The following PDXDC1 variants were observed in gnomAD, a reference collection of about 807,000 sequenced individuals.
PDXDC1 encodes pyridoxal-dependent decarboxylase domain-containing protein 1.
A neutral mutation model predicts 100.1 loss-of-function variants in PDXDC1; 42 were observed. The observed-to-expected ratio is 0.42, with a 90% CI of 0.33 to 0.54. The LOEUF (loss-of-function observed/expected upper bound fraction) is 0.54. PDXDC1 is among the 20% of genes least tolerant of loss of function. The pLI, the probability that PDXDC1 is intolerant of heterozygous loss-of-function variation, is 0.10. For missense variants in PDXDC1, 636 were observed against 979.2 expected (o/e 0.65, Z 4.68); for synonymous variants, 260 against 371.7 (o/e 0.70, Z 3.46).
intron 16 of PDXDC1, chr16:15,131,199 A>G (rs78113842): frequency 0.06 from 87,953 of 1,463,742 alleles, 5,909 homozygotes; most frequent in East Asian, 0.17. Flanking sequence ...CGGAGTTGGC[A>G]GAGCTGCGGT....
intron 16 of PDXDC1, among the ~76,000 whole-genome samples, chr16:15,096,283 A>G (rs2046354796): frequency 1.3e-5 from 2 of 151,720 alleles, no homozygotes; most frequent in African/African-American, 4.8e-5. Flanking sequence ...TAATTTTTGT[A>G]TTTTTAGTAG....
At chr16:15,063,224 A>G (rs761133626) in intron 16 of PDXDC1, 1 of 1,613,016 alleles carries the variant, frequency 6.2e-7, no homozygotes, top group Non-Finnish European at 8.5e-7. Flanking sequence ...GAACTCCTGT[A>G]GCTCTTCAGC....
chr16:15,111,589 C>G (rs2047067857), intron 16 of PDXDC1, among the ~76,000 whole-genome samples: 1 of 147,094 alleles, frequency 6.8e-6, no homozygotes, highest in South Asian at 2.2e-4. Context: ...GAAACCCCGT[C>G]TCTACTAAAA....
At chr16:15,012,561 G>A (rs1258220891) in intron 8 of PDXDC1, among the ~76,000 whole-genome samples, 1 of 152,288 alleles carries the variant, frequency 6.6e-6, no homozygotes, top group East Asian at 1.9e-4. Context: ...CTGTTAGAAT[G>A]GAGAAATTAC....
upstream of PDXDC1, chr16:14,974,972 A>C: frequency 6.5e-7 from 1 of 1,535,140 alleles, no homozygotes; most frequent in Non-Finnish European, 8.7e-7. Flanking sequence ...CGTGGCGCCC[A>C]GGTACGGAAT....
At position 15,100,238 on chromosome 16, in the gene PDXDC1, G is replaced by A. The variant is rs535964844; in HGVS notation, c.1400-38641G>A. Among the ~76,000 whole-genome samples the A allele has an allele frequency of 5.3e-5, 8 of 152,272 alleles. No homozygotes were observed. The South Asian group carries it at 1.7e-3, about 32-fold the overall frequency. Reference sequence around the variant, plus strand: ...TTCTAAATAACAAAACCAATAGCATGTATCTCATTTGTCCTTTTTCCTTTC... The same window carrying A: ...TTCTAAATAACAAAACCAATAGCATATATCTCATTTGTCCTTTTTCCTTTC... On this transcript the variant is annotated intron_variant, in intron 16 of 16. Transcript: ENST00000535621.
intron 16 of PDXDC1, among the ~76,000 whole-genome samples, chr16:15,128,905 A>C (rs1267922728): frequency 4.1e-5 from 6 of 147,152 alleles, no homozygotes; most frequent in Non-Finnish European, 7.5e-5. Context: ...TCCCGGGTTC[A>C]CGCCATTCTC....
intron 1 of PDXDC1, 133 bp from the exon 2 acceptor site, chr16:14,997,620 A>G (rs1462401175): frequency 1.6e-5 from 16 of 1,024,958 alleles, no homozygotes; most frequent in African/African-American, 1.2e-4. Context: ...CTTTTGTACT[A>G]TTGCAAGTTT....
intron 16 of PDXDC1, chr16:15,136,166 G>A (rs1163658538): frequency 3.9e-6 from 4 of 1,029,118 alleles, no homozygotes; most frequent in East Asian, 2.5e-5. Context: ...GGGGCTCAGG[G>A]CACTCCTCCA....
At chr16:15,061,867 G>C in intron 16 of PDXDC1, 1 of 1,613,410 alleles carries the variant, frequency 6.2e-7, no homozygotes, top group Non-Finnish European at 8.5e-7. Context: ...GGGGCACTTC[G>C]CCTTTCAGAA....
the PDXDC1 span, among the ~76,000 whole-genome samples, chr16:15,147,254 C>T: frequency 1.3e-5 from 2 of 152,126 alleles, no homozygotes; most frequent in Non-Finnish European, 2.9e-5. Context: ...CATCCCAGCC[C>T]GACTCGGAAG....
At chr16:15,013,125 G>A (rs1341041612) in intron 8 of PDXDC1, among the ~76,000 whole-genome samples, 15 of 152,216 alleles carry the variant, frequency 9.9e-5, no homozygotes, top group African/African-American at 1.9e-4. Context: ...AGGTGAGATC[G>A]CACCACTGCA....
At chr16:15,093,305 A>C (rs2046215208) in intron 16 of PDXDC1, among the ~76,000 whole-genome samples, 1 of 152,168 alleles carries the variant, frequency 6.6e-6, no homozygotes, top group Non-Finnish European at 1.5e-5. Flanking sequence ...CGCCCGGCCT[A>C]GATTTTTGTC....
In PDXDC1 at chr16:15,126,188, C is replaced by T. The variant is rs1349071864; in HGVS notation, c.1400-12691C>T. On this transcript the variant is annotated intron_variant, in intron 16 of 16. Transcript: ENST00000535621. ...TAGCTGGGATTACAGGTGCCTGCCA[C>T]GATGCCCAGCTGATTTTTTGTATTT... Among the ~76,000 whole-genome samples, 14 of 151,664 alleles carry T rather than the reference C, an allele frequency of 9.2e-5. No individual in the cohort carries two copies. In the East Asian group the frequency reaches 1.4e-3, roughly 15 times the overall value.
chr16:15,151,918 T>C, the PDXDC1 span, among the ~76,000 whole-genome samples: 1 of 73,116 alleles, frequency 1.4e-5, no homozygotes, highest in African/African-American at 4.6e-5. Flanking sequence ...GCAACAAGAG[T>C]GAACTCTGTC....
chr16:15,098,344 G>A (rs1468684087), intron 16 of PDXDC1, among the ~76,000 whole-genome samples: 2 of 151,114 alleles, frequency 1.3e-5, no homozygotes, highest in African/African-American at 4.9e-5. Flanking sequence ...GGGACTACAT[G>A]TGCCCGCCAC....
chr16:15,044,426 G>A (rs755891128), intron 16 of PDXDC1: 84 of 1,582,156 alleles, frequency 5.3e-5, no homozygotes, highest in African/African-American at 2.7e-5. Flanking sequence ...GAGATGAGAC[G>A]GGTCAGAGGC....
At chr16:15,148,545 G>A in the PDXDC1 span, among the ~76,000 whole-genome samples, 2 of 151,176 alleles carry the variant, frequency 1.3e-5, no homozygotes, top group Non-Finnish European at 2.9e-5. Flanking sequence ...ACCACGCCCG[G>A]CCAATGTTCT....
At position 14,998,248 on chromosome 16, in the gene PDXDC1, G is replaced by C. The variant is rs1233189609; in HGVS notation, c.96-92G>C. 5 of 1,283,456 alleles carry C rather than the reference G, an allele frequency of 3.9e-6. No homozygotes were observed. The African/African-American group carries it at 6.0e-5, about 15-fold the overall frequency. The allele number at this position is 1,283,456 out of a possible 1,614,324, so 79.5% of individuals were successfully genotyped here. Reference sequence around the variant, plus strand: ...GAAATCCTGCCTCAGTCACTGGGAGGTTATAGGCAACATGGTCATGTTTGC... The same window carrying C: ...GAAATCCTGCCTCAGTCACTGGGAGCTTATAGGCAACATGGTCATGTTTGC... On this transcript the variant is annotated intron_variant, in intron 2 of 22. Transcript: ENST00000396410.
Sources: allele counts gnomAD v4.1 joint callset (sites outside exome capture counted in the v4.1 genomes callset), GRCh38; gene constraint gnomAD v4.1.1; transcripts MANE v1.5; gene names NCBI Gene and HGNC (gene_info 2026-07-23, HGNC 2026-07-21).